Variants in SMAD4 observed in about 807,000 individuals in gnomAD.
SMAD4 encodes SMAD family member 4.
In SMAD4, 7 loss-of-function variants were observed where a neutral mutation model predicts 63.2. The ratio of observed to expected loss-of-function variants is 0.11; its 90% CI spans 0.06 to 0.21. The LOEUF (loss-of-function observed/expected upper bound fraction) is 0.21, where lower values mean the gene tolerates loss of function less well. SMAD4 is among the 10% of genes least tolerant of loss of function. The probability of loss-of-function intolerance (pLI) is 1.00; values close to 1 mark genes in which losing one functional copy is unlikely to be tolerated. For missense variants in SMAD4, 312 were observed against 693.8 expected (o/e 0.45, Z 6.18); for synonymous variants, 215 against 235.4 (o/e 0.91, Z 0.79).
intron 4 of SMAD4, chr18:51,052,714 C>A: frequency 4.6e-6 from 1 of 217,158 alleles, no homozygotes; most frequent in Non-Finnish European, 9.8e-6. Flanking sequence ...CCCCCATTCC[C>A]CCCTACCTCA....
chr18:51,063,474 A>AC (rs1400579012), intron 8 of SMAD4, among the ~76,000 whole-genome samples: 2 of 151,732 alleles, frequency 1.3e-5, no homozygotes, highest in Non-Finnish European at 2.9e-5. Flanking sequence ...GTGCAGTGGC[A>AC]CTCTCATGGC....
intron 11 of SMAD4, chr18:51,077,472 A>G (rs2144476286): frequency 3.2e-6 from 2 of 629,768 alleles, no homozygotes; most frequent in Non-Finnish European, 4.0e-6. Flanking sequence ...AGGTTTCTCT[A>G]CAGTACATGC....
intron 1 of SMAD4, among the ~76,000 whole-genome samples, chr18:51,041,425 T>C (rs1408338816): frequency 6.6e-6 from 1 of 152,244 alleles, no homozygotes; most frequent in African/African-American, 2.4e-5. Context: ...GCCCAGAGTT[T>C]CTTGCATTGG....
intron 4 of SMAD4, chr18:51,051,365 T>C: frequency 2.2e-6 from 1 of 456,242 alleles, no homozygotes; most frequent in South Asian, 1.5e-5. Context: ...AAACAACTGG[T>C]ATTTCTCACA....
At chr18:51,030,812 G>T (rs1909024052) in intron 1 of SMAD4, among the ~76,000 whole-genome samples, 189 bp downstream of exon 1, 1 of 151,670 alleles carries the variant, frequency 6.6e-6, no homozygotes, top group Non-Finnish European at 1.5e-5. Context: ...TGAATGCCGG[G>T]CGGCGGTGCC....
intron 1 of SMAD4, among the ~76,000 whole-genome samples, chr18:51,034,826 A>T (rs1909157977): frequency 1.3e-5 from 2 of 152,168 alleles, no homozygotes; most frequent in Non-Finnish European, 2.9e-5. Context: ...GATTAAAGGC[A>T]TGAGCCACCA....
In SMAD4 at chr18:51,058,022, T is replaced by C. The variant is rs559930603; in HGVS notation, c.668-103T>C. On this transcript the variant is annotated intron_variant, in intron 5 of 11. Transcript: ENST00000342988. ...GTGAGTTACACTTTTTGCCCATCTT[T>C]ATAGTTGTGCATTATCAGATAAAAT... The C allele has an allele frequency of 7.6e-5, 106 of 1,387,800 alleles. 1 individual carries two copies. In the African/African-American group the frequency reaches 1.4e-3, roughly 18 times the overall value. The allele number at this position is 1,387,800 out of a possible 1,614,324, so 86.0% of individuals were successfully genotyped here. A position where few individuals can be genotyped will look rare whatever the true frequency, so the allele number is the denominator to read the frequency against.
chr18:51,064,052 AT>A (rs796815829), intron 8 of SMAD4, among the ~76,000 whole-genome samples: 100 of 140,546 alleles, frequency 7.1e-4, no homozygotes, highest in Middle Eastern at 3.6e-3. Flanking sequence ...ATTTTAGGTT[AT>A]TTTTTTTTTT....
rs75193296 is a variant in SMAD4 at position 51,065,327 on chromosome 18, T to C, written c.956-96T>C. 1.8e-3 allele frequency: 1,750 copies of C among 988,806 alleles called. 18 individuals are homozygous for C. The African/African-American group carries it at 0.025, about 14-fold the overall frequency. 61.3% of individuals were successfully genotyped at this position (988,806 alleles called of 1,614,324 possible). ...ATTACATTTCCATCTCCCCTCCCTTTACCCTTTCTTTTAGGAAAAACTGTG... is the reference window on the plus strand; with the variant it reads ...ATTACATTTCCATCTCCCCTCCCTTCACCCTTTCTTTTAGGAAAAACTGTG... On this transcript the variant is annotated intron_variant, in intron 8 of 11. Transcript: ENST00000342988.
chr18:51,083,280 T>C lies in SMAD4; in HGVS notation c.*4813T>C. The C allele has an allele frequency of 4.4e-6, 1 of 226,610 alleles. No homozygotes were observed. Among genetic ancestry groups the C allele is most frequent in the East Asian group, 6.3e-5 (1 of 15,800 alleles). The allele number at this position is 226,610 out of a possible 1,614,324, so 14.0% of individuals were successfully genotyped here. ...CCATTTGTTTTGTTTTGGTGTCCCC[T>C]TTGAAGCCCTGCCTTCTGGCCTTAC... On this transcript the variant is annotated 3_prime_UTR_variant, in exon 12 of 12. Coordinates refer to ENST00000342988, the MANE Select transcript of SMAD4 (RefSeq NM_005359.6).
rs906700739 is a variant in SMAD4 at position 51,081,236 on chromosome 18, CAA to C, written c.*2771_*2772del. ...GGTTTTCTCTAGCTAATTCATATCT[CAA>C]AGAGTCTCAAAATGTTGAATTTCAG... On this transcript the variant is annotated 3_prime_UTR_variant, in exon 12 of 12. Transcript: ENST00000342988. 4.4e-6 allele frequency: 1 copy of C among 224,778 alleles called. No homozygotes were observed. Among genetic ancestry groups the C allele is most frequent in the African/African-American group, 2.2e-5 (1 of 44,780 alleles). The allele number at this position is 224,778 out of a possible 1,614,324, so 13.9% of individuals were successfully genotyped here.
chr18:51,046,357 C>T (rs1037880557), intron 1 of SMAD4, among the ~76,000 whole-genome samples: 28 of 151,378 alleles, frequency 1.8e-4, no homozygotes, highest in Non-Finnish European at 3.2e-4. Flanking sequence ...TGTCTAATGT[C>T]GAGCATCTTT....
chr18:51,062,257 T>C (rs1215844290), intron 8 of SMAD4, among the ~76,000 whole-genome samples: 1 of 152,198 alleles, frequency 6.6e-6, no homozygotes, highest in Non-Finnish European at 1.5e-5. Context: ...AACTTTCTTT[T>C]TTTGAGAAAT....
chr18:51,034,093 C>A (rs1158130448), intron 1 of SMAD4, among the ~76,000 whole-genome samples: 1 of 152,060 alleles, frequency 6.6e-6, no homozygotes, highest in Non-Finnish European at 1.5e-5. Flanking sequence ...ATTTATATTC[C>A]AAATGAGAAT....
intron 5 of SMAD4, among the ~76,000 whole-genome samples, chr18:51,057,281 C>T (rs1048520098): frequency 3.2e-4 from 49 of 151,824 alleles, no homozygotes; most frequent in African/African-American, 1.1e-3. Context: ...GATTAACAGT[C>T]GAGTTAATTA....
At chr18:51,043,078 C>A (rs775393504) in intron 1 of SMAD4, among the ~76,000 whole-genome samples, 38 of 152,128 alleles carry the variant, frequency 2.5e-4, no homozygotes, top group Admixed American at 6.6e-5. Flanking sequence ...ATATATTAAG[C>A]TTTTCCTCCT....
At chr18:51,050,502 A>T (rs1403825762) in intron 4 of SMAD4, among the ~76,000 whole-genome samples, 1 of 151,696 alleles carries the variant, frequency 6.6e-6, no homozygotes, top group African/African-American at 2.4e-5. Flanking sequence ...TACTAAAAAC[A>T]TACAAAATTA....
At position 51,049,336 on chromosome 18, in the gene SMAD4, G is replaced by A. The variant is rs766144339; in HGVS notation, c.454+12G>A. ...ACTGCAGAGTAATGGTAGGTAATCT[G>A]TTTCTTACTACTTTCTCTTTGTTTT... On this transcript the variant is annotated intron_variant, in intron 4 of 11. Transcript: ENST00000342988. 6.3e-7 allele frequency: 1 copy of A among 1,588,802 alleles called. No homozygotes were observed. The highest frequency in any genetic ancestry group is 8.6e-7 in the Non-Finnish European group (1 of 1,158,176).
At chr18:51,039,695 A>G (rs1161390993) in intron 1 of SMAD4, among the ~76,000 whole-genome samples, 1 of 152,138 alleles carries the variant, frequency 6.6e-6, no homozygotes, top group Non-Finnish European at 1.5e-5. Context: ...ACATGCTGGT[A>G]CACAAAAACT....
Sources: gnomAD v4.1 joint callset for allele counts (sites outside exome capture counted in the v4.1 genomes callset) on GRCh38, gnomAD v4.1.1 for gene constraint, MANE v1.5 for transcripts, NCBI Gene and HGNC (gene_info 2026-07-23, HGNC 2026-07-21) for gene names.